Variants in HSPG2 observed in about 807,000 individuals in gnomAD.
HSPG2 encodes the protein heparan sulfate proteoglycan 2.
Under a neutral mutation model 526.6 loss-of-function variants are expected in HSPG2, and 278 were observed. That is an observed-to-expected ratio of 0.53 (90% CI 0.48 to 0.58). The LOEUF (loss-of-function observed/expected upper bound fraction) is 0.58, where lower values mean the gene tolerates loss of function less well. HSPG2 is among the 20% of genes least tolerant of loss of function. The probability of loss-of-function intolerance (pLI) is 0.00; values close to 1 mark genes in which losing one functional copy is unlikely to be tolerated. For synonymous variants in HSPG2, 2,465 were observed against 2,555.4 expected (o/e 0.96, Z 1.07); for missense variants, 5,354 against 6,099.5 (o/e 0.88, Z 4.07).
Position 21,836,678 on chromosome 1 carries a change from G to A in HSPG2, c.10355+124C>T, listed in dbSNP as rs1313578248. ...GCTGAGAACACTGAGGCTCAGAGAG[G>A]TAAAGTGATGTGTCCAAGGACAGTG... On this transcript the variant is annotated intron_variant, in intron 75 of 96. Coordinates refer to ENST00000374695, the MANE Select transcript of HSPG2 (RefSeq NM_005529.7). 10 of 824,906 alleles carry A rather than the reference G, an allele frequency of 1.2e-5. No individual in the cohort carries two copies. In the East Asian group the frequency reaches 1.3e-4, roughly 11 times the overall value. 51.1% of individuals were successfully genotyped at this position (824,906 alleles called of 1,614,324 possible).
intron 21 of HSPG2, among the ~76,000 whole-genome samples, chr1:21,877,258 T>C (rs1007589640): frequency 1.3e-5 from 2 of 152,154 alleles, no homozygotes; most frequent in Admixed American, 6.5e-5. Context: ...CTTCTATTTA[T>C]GGAGTGTTTC....
intron 24 of HSPG2, 38 bp downstream of exon 24, chr1:21,875,825 T>C: frequency 6.2e-7 from 1 of 1,611,252 alleles, no homozygotes; most frequent in South Asian, 1.1e-5. Flanking sequence ...AGCAAGGGCC[T>C]GCCCGCACCC....
At chr1:21,921,705 A>G (rs565387606) in intron 1 of HSPG2, among the ~76,000 whole-genome samples, 1 of 152,318 alleles carries the variant, frequency 6.6e-6, no homozygotes, top group African/African-American at 2.4e-5. Flanking sequence ...CGGCACCCCC[A>G]GCATCCGCTC....
intron 1 of HSPG2, chr1:21,908,427 G>A (rs1187275572): frequency 3.4e-6 from 3 of 872,806 alleles, no homozygotes; most frequent in Non-Finnish European, 5.8e-6. Context: ...AACGCGTGAA[G>A]GAGAATGATC....
intron 87 of HSPG2, 151 bp downstream of exon 87, chr1:21,829,232 G>A (rs555571263): frequency 7.4e-7 from 1 of 1,348,196 alleles, no homozygotes; most frequent in African/African-American, 1.4e-5. Flanking sequence ...GCTAGGGATT[G>A]GCCTCAAGTG....
intron 37 of HSPG2, among the ~76,000 whole-genome samples, chr1:21,863,845 G>A (rs1640017540): frequency 1.3e-5 from 2 of 152,082 alleles, no homozygotes; most frequent in Admixed American, 6.6e-5. Context: ...ATCTGTATTA[G>A]ATAAAAAAAA....
At chr1:21,878,292 T>C (rs1336000353) in intron 20 of HSPG2, 39 bp from the exon 21 acceptor site, 12 of 1,608,266 alleles carry the variant, frequency 7.5e-6, no homozygotes, top group Non-Finnish European at 1.0e-5. Context: ...CAGGTGGGAA[T>C]GGGATATACG....
Position 21,848,583 on chromosome 1 carries a change from C to A in HSPG2, c.7737+60G>T. Reference sequence around the variant, plus strand: ...CAGAGTGAGGTGCTGAGAGTCCCCCCTCTTCCCATTGGGGGCTGGTGTGCC... The same window carrying A: ...CAGAGTGAGGTGCTGAGAGTCCCCCATCTTCCCATTGGGGGCTGGTGTGCC... On this transcript the variant is annotated intron_variant, in intron 59 of 96. Transcript: ENST00000374695. The surrounding 1 kb of genome is among the most constrained non-coding windows in gnomAD (Gnocchi z 4.9). 1 of 1,588,280 alleles carries A rather than the reference C, an allele frequency of 6.3e-7. No individual in the cohort carries two copies. The highest frequency in any genetic ancestry group is 8.6e-7 in the Non-Finnish European group (1 of 1,158,776).
At chr1:21,918,976 G>GGCT (rs1203395149) in intron 1 of HSPG2, among the ~76,000 whole-genome samples, 3 of 152,204 alleles carry the variant, frequency 2.0e-5, no homozygotes, top group Non-Finnish European at 4.4e-5. Flanking sequence ...ATAGGGCAGT[G>GGCT]GCTGCTGCTG....
Position 21,912,961 on chromosome 1 carries a change from A to C in HSPG2, c.64-16651T>G, listed in dbSNP as rs1167353497. Among the ~76,000 whole-genome samples the C allele has an allele frequency of 3.3e-5, 5 of 151,974 alleles. No individual in the cohort carries two copies. In the East Asian group the frequency reaches 7.7e-4, roughly 24 times the overall value. Reference sequence around the variant, plus strand: ...CACCACTGCACTCCAGCCTGGGCGAAAGAGTGAGGCTCTAGCTCAAAAAAA... The same window carrying C: ...CACCACTGCACTCCAGCCTGGGCGACAGAGTGAGGCTCTAGCTCAAAAAAA... On this transcript the variant is annotated intron_variant, in intron 1 of 96. Coordinates refer to ENST00000374695, the MANE Select transcript of HSPG2 (RefSeq NM_005529.7).
rs1422788226 is a variant in HSPG2, at chr1:21,852,578, G to A, written c.6724+122C>T. On this transcript the variant is annotated intron_variant, in intron 52 of 96. Transcript: ENST00000374695. ...TGACAGGTGGAGTCGGCCTGGGCAG[G>A]GCCCTGCAGCCAGCTCCGGTGTGGG... 2.9e-6 allele frequency: 4 copies of A among 1,379,304 alleles called. No individual in the cohort carries two copies. The East Asian group carries it at 9.1e-5, about 31-fold the overall frequency. The allele number at this position is 1,379,304 out of a possible 1,614,324, so 85.4% of individuals were successfully genotyped here. A position where few individuals can be genotyped will look rare whatever the true frequency, so the allele number is the denominator to read the frequency against.
intron 1 of HSPG2, among the ~76,000 whole-genome samples, chr1:21,910,328 C>T (rs1249867429): frequency 6.6e-6 from 1 of 152,214 alleles, no homozygotes; most frequent in African/African-American, 2.4e-5. Flanking sequence ...TGTTCCCCAC[C>T]TCCCCTGCCA....
chr1:21,855,436 C>T lies in HSPG2; in HGVS notation c.5865G>A (p.Gly1955=). 6.2e-7 allele frequency: 1 copy of T among 1,613,014 alleles called. No individual in the cohort carries two copies. Among genetic ancestry groups the T allele is most frequent in the Non-Finnish European group, 8.5e-7 (1 of 1,179,826 alleles). The change falls in exon 47 of 97, where the codon GGG becomes GGA. Residue 1955 remains glycine (G), a synonymous_variant. Coordinates refer to ENST00000374695, the MANE Select transcript of HSPG2 (RefSeq NM_005529.7). ...TCTCTGGGCTCACTTGGACTCTGGG[C>T]CCACCGCCCCCTGCAGACAGAGTCC... is the stretch of plus-strand genomic sequence containing the variant. ...RAVLHVHGGG[G]PRVQVSPERT...
rs1323352578 is a variant in HSPG2, at chr1:21,848,165, C to T, written c.7738-72G>A. ...TCCTCCACATCTTGGGCACTGCTGC[C>T]GCTGCCCCTGGACTCTGGGGGCCTC... On this transcript the variant is annotated intron_variant, in intron 59 of 96. Transcript: ENST00000374695. This position sits in a 1 kb window ranked among gnomAD's most constrained non-coding sequence, Gnocchi z 4.9. 20 of 1,521,146 alleles carry T rather than the reference C, an allele frequency of 1.3e-5. No individual in the cohort carries two copies. Among genetic ancestry groups the T allele is most frequent in the East Asian group, 7.3e-5 (3 of 40,858 alleles). 94.2% of individuals were successfully genotyped at this position (1,521,146 alleles called of 1,614,324 possible). A position where few individuals can be genotyped will look rare whatever the true frequency, so the allele number is the denominator to read the frequency against.
intron 86 of HSPG2, 152 bp from the exon 87 acceptor site, chr1:21,829,756 C>T: frequency 1.4e-6 from 1 of 734,404 alleles, no homozygotes; most frequent in East Asian, 2.7e-5. Context: ...GGCACAGGAG[C>T]CCCCCTGCCC....
chr1:21,849,743 G>A (rs923160565), intron 57 of HSPG2, among the ~76,000 whole-genome samples: 48 of 151,718 alleles, frequency 3.2e-4, no homozygotes, highest in Admixed American at 5.9e-4. Context: ...GCAACGGCAC[G>A]ATCTCGGCTC....
intron 33 of HSPG2, chr1:21,870,736 C>G: frequency 1.4e-6 from 1 of 700,280 alleles, no homozygotes. Flanking sequence ...CCCCCAATGC[C>G]TTGGGCACTG....
chr1:21,868,356 G>A (rs1397840806), intron 33 of HSPG2, among the ~76,000 whole-genome samples: 2 of 152,120 alleles, frequency 1.3e-5, no homozygotes, highest in Non-Finnish European at 2.9e-5. Context: ...GTATTCTTAA[G>A]AGGTACTTGA....
rs1572415778 is a variant in HSPG2, at chr1:21,904,130, C to T, written c.64-7820G>A. Reference sequence around the variant, plus strand: ...CTGGGGGACACAGGCCACGGAACCACGTGCTGGCAACACCGTGCGAAGAGA... The same window carrying T: ...CTGGGGGACACAGGCCACGGAACCATGTGCTGGCAACACCGTGCGAAGAGA... On this transcript the variant is annotated intron_variant, in intron 1 of 96. Coordinates refer to ENST00000374695, the MANE Select transcript of HSPG2 (RefSeq NM_005529.7). This position sits in a 1 kb window ranked among gnomAD's most constrained non-coding sequence, Gnocchi z 4.4. 1.3e-5 allele frequency among the ~76,000 whole-genome samples: 2 copies of T among 152,130 alleles called. No individual in the cohort carries two copies. Among genetic ancestry groups the T allele is most frequent in the African/African-American group, 2.4e-5 (1 of 41,412 alleles).
Sources: allele counts gnomAD v4.1 joint callset (sites outside exome capture counted in the v4.1 genomes callset), GRCh38; gene constraint gnomAD v4.1.1; non-coding constraint Gnocchi (gnomAD v3.1); transcripts MANE v1.5; gene names NCBI Gene and HGNC (gene_info 2026-07-23, HGNC 2026-07-21).